CACNA2D1: variants seen among roughly 807,000 people sequenced by gnomAD.
CACNA2D1 encodes the protein voltage-dependent calcium channel subunit alpha-2/delta-1.
CACNA2D1 carries 53 observed loss-of-function variants against 171.5 expected under a neutral mutation model. That is an observed-to-expected ratio of 0.31 (90% CI 0.25 to 0.39). The LOEUF (loss-of-function observed/expected upper bound fraction) is 0.39, where lower values mean the gene tolerates loss of function less well. Ranked by LOEUF, CACNA2D1 falls within the 10% of genes least tolerant of loss-of-function variation. The probability of loss-of-function intolerance (pLI) is 1.00; values close to 1 mark genes in which losing one functional copy is unlikely to be tolerated. For synonymous variants in CACNA2D1, 442 were observed against 443.1 expected, an observed-to-expected ratio of 1.00 and a Z score of 0.03; for missense variants, 903 against 1,299.8, an observed-to-expected ratio of 0.69 and a Z score of 4.69.
At chr7:82,178,608 C>T (rs1028291639) in intron 3 of CACNA2D1, among the ~76,000 whole-genome samples, 13 of 151,970 alleles carry the variant, frequency 8.6e-5, no homozygotes, top group African/African-American at 3.1e-4. Flanking sequence ...TATATTACAC[C>T]TTTTCCATAG....
intron 3 of CACNA2D1, among the ~76,000 whole-genome samples, chr7:82,225,543 T>A (rs6948386): frequency 6.6e-6 from 1 of 152,090 alleles, no homozygotes; most frequent in Non-Finnish European, 1.5e-5. Flanking sequence ...TCAAGGCAAT[T>A]TATGACCCAA....
At chr7:82,143,191 G>A (rs181751449) in intron 4 of CACNA2D1, among the ~76,000 whole-genome samples, 2 of 152,118 alleles carry the variant, frequency 1.3e-5, no homozygotes, top group East Asian at 3.9e-4. Context: ...TTTAGAAGAT[G>A]AAAAGAAAAA....
At chr7:82,260,095 G>A (rs999884179) in intron 3 of CACNA2D1, among the ~76,000 whole-genome samples, 9 of 152,068 alleles carry the variant, frequency 5.9e-5, no homozygotes, top group South Asian at 2.1e-4. Context: ...GGTGGTGGGC[G>A]CCTGTAATCC....
chr7:82,137,043 T>C (rs1791701639), intron 4 of CACNA2D1, among the ~76,000 whole-genome samples: 1 of 152,208 alleles, frequency 6.6e-6, no homozygotes, highest in Admixed American at 6.5e-5. Context: ...CTTAATACTT[T>C]GTTGAAGCCA....
intron 8 of CACNA2D1, 132 bp from the exon 9 acceptor site, chr7:82,064,486 C>T (rs771447351): frequency 8.6e-5 from 51 of 596,440 alleles, no homozygotes; most frequent in Non-Finnish European, 1.4e-4. Flanking sequence ...TCTAAGTAGA[C>T]AATGGTTTTC....
At chr7:82,190,358 G>GA (rs1256120645) in intron 3 of CACNA2D1, among the ~76,000 whole-genome samples, 1 of 151,542 alleles carries the variant, frequency 6.6e-6, no homozygotes, top group Non-Finnish European at 1.5e-5. Flanking sequence ...ATTGTTTTAA[G>GA]AAAAAAATCT....
chr7:82,363,254 C>CTCTTTTTTTTTTT (rs1821286522), intron 1 of CACNA2D1, among the ~76,000 whole-genome samples: 18 of 63,430 alleles, frequency 2.8e-4, no homozygotes, highest in African/African-American at 1.4e-3. Context: ...TTATTTGTCT[C>CTCTTTTTTTTTTT]TTTTTTTTTT....
At chr7:82,183,799 C>T (rs866042341) in intron 3 of CACNA2D1, among the ~76,000 whole-genome samples, 3 of 152,058 alleles carry the variant, frequency 2.0e-5, no homozygotes, top group Non-Finnish European at 4.4e-5. Context: ...ACGTACGTTA[C>T]GCTCCCAAGA....
At chr7:81,971,658 G>C in intron 26 of CACNA2D1, 119 bp downstream of exon 26, 1 of 683,344 alleles carries the variant, frequency 1.5e-6, no homozygotes, top group East Asian at 2.8e-5. Context: ...TGATTTTCTT[G>C]AGAAATATTA....
intron 4 of CACNA2D1, among the ~76,000 whole-genome samples, chr7:82,139,993 G>A (rs1463676350): frequency 6.8e-6 from 1 of 147,138 alleles, no homozygotes; most frequent in Non-Finnish European, 1.5e-5. Context: ...GTTTCATTAT[G>A]TTGTTCAGGC....
chr7:82,178,892 G>A (rs181417650), intron 3 of CACNA2D1, among the ~76,000 whole-genome samples: 29 of 152,126 alleles, frequency 1.9e-4, no homozygotes, highest in Non-Finnish European at 3.5e-4. Context: ...CTTATACAAC[G>A]TGCAGAACAG....
intron 3 of CACNA2D1, among the ~76,000 whole-genome samples, chr7:82,289,223 A>AC (rs1241787955): frequency 6.6e-6 from 1 of 152,150 alleles, no homozygotes; most frequent in African/African-American, 2.4e-5. Context: ...ATTTAAATAT[A>AC]CCCCCCAGCA....
At chr7:82,232,682 T>A (rs970803617) in intron 3 of CACNA2D1, among the ~76,000 whole-genome samples, 1 of 151,236 alleles carries the variant, frequency 6.6e-6, no homozygotes, top group Non-Finnish European at 1.5e-5. Context: ...TGGCTAACAC[T>A]GTGAAACCCC....
chr7:81,950,353 G>T lies in CACNA2D1; in HGVS notation c.*39C>A. 1.9e-6 allele frequency: 3 copies of T among 1,612,704 alleles called. No individual in the cohort carries two copies. The highest frequency in any genetic ancestry group is 2.5e-6 in the Non-Finnish European group (3 of 1,179,150). ...GAGGGCAGGGCTCATGTTTTGGCAGGGTCTGGAGTTTAACTATGCAGATTT... is the reference window on the plus strand; with the variant it reads ...GAGGGCAGGGCTCATGTTTTGGCAGTGTCTGGAGTTTAACTATGCAGATTT... On this transcript the variant is annotated 3_prime_UTR_variant, in exon 39 of 39. Coordinates refer to ENST00000356860, the MANE Select transcript of CACNA2D1 (RefSeq NM_000722.4).
intron 3 of CACNA2D1, among the ~76,000 whole-genome samples, chr7:82,225,831 T>G (rs1007932868): frequency 2.6e-5 from 4 of 152,188 alleles, no homozygotes; most frequent in Non-Finnish European, 5.9e-5. Context: ...CTAAAATGGA[T>G]GTCAATAACC....
chr7:82,267,883 G>T (rs1808100198), intron 3 of CACNA2D1, among the ~76,000 whole-genome samples: 1 of 152,106 alleles, frequency 6.6e-6, no homozygotes, highest in Non-Finnish European at 1.5e-5. Flanking sequence ...TGTAGTCTCA[G>T]CTACTCGGGA....
chr7:82,302,715 C>A (rs922534109), intron 3 of CACNA2D1, among the ~76,000 whole-genome samples: 9 of 152,170 alleles, frequency 5.9e-5, no homozygotes, highest in Non-Finnish European at 1.3e-4. Flanking sequence ...CTGTGCCCAG[C>A]CTACAGGATT....
chr7:82,413,281 C>A (rs113016120), intron 1 of CACNA2D1, among the ~76,000 whole-genome samples: 1 of 152,270 alleles, frequency 6.6e-6, no homozygotes, highest in Admixed American at 6.5e-5. Flanking sequence ...TAATATTTAA[C>A]ATTTACCCAA....
At chr7:82,293,734 A>C (rs1240291411) in intron 3 of CACNA2D1, among the ~76,000 whole-genome samples, 5 of 152,178 alleles carry the variant, frequency 3.3e-5, no homozygotes, top group Admixed American at 3.3e-4. Context: ...TGAGTTCAGT[A>C]TGGGAAGGAT....
Sources: allele counts gnomAD v4.1 joint callset (sites outside exome capture counted in the v4.1 genomes callset), GRCh38; gene constraint gnomAD v4.1.1; transcripts MANE v1.5; gene names NCBI Gene and HGNC (gene_info 2026-07-23, HGNC 2026-07-21).